HEATR5A: variants seen among roughly 807,000 people sequenced by gnomAD.
HEATR5A encodes HEAT repeat containing 5A.
A neutral mutation model predicts 218.8 loss-of-function variants in HEATR5A; 178 were observed. That is an observed-to-expected ratio of 0.81 (90% CI 0.72 to 0.92). The LOEUF (loss-of-function observed/expected upper bound fraction) is 0.92, where lower values mean the gene tolerates loss of function less well. HEATR5A is among the 40% of genes least tolerant of loss of function. The pLI is 0.00. For synonymous variants in HEATR5A, 864 were observed against 871.6 expected (o/e 0.99, Z 0.15); for missense variants, 2,420 against 2,418.9 (o/e 1.00, Z -0.01).
rs759108171 is a variant in HEATR5A, at chr14:31,358,923, C to A, written c.2206G>T (p.Glu736Ter). 2.5e-6 allele frequency: 4 copies of A among 1,594,836 alleles called. No individual in the cohort carries two copies. The change falls in exon 15 of 36, where the codon GAG (glutamate) becomes TAG (stop). Residue 736 changes from glutamate (E) to a stop codon, truncating the protein, a stop_gained. Coordinates refer to ENST00000543095, the MANE Select transcript of HEATR5A (RefSeq NM_015473.4). LOFTEE classifies it high-confidence loss of function. The stretch of plus-strand genomic sequence containing the variant: ...TCTTCAATAAATCTATGGTCAGTCT[C>A]TTGTAGGAAAGGACTTAGTATCAAA... ...DLLILSPFLQ[E>*]TDHRFIEEQL... is the part of the protein sequence containing the mutation.
At chr14:31,307,081 T>G (rs1294150567) in intron 30 of HEATR5A, among the ~76,000 whole-genome samples, 2 of 152,094 alleles carry the variant, frequency 1.3e-5, no homozygotes, top group African/African-American at 4.8e-5. Context: ...TCCCAGCACT[T>G]TGGGAGGCTG....
chr14:31,411,127 C>T (rs2031256418), intron 1 of HEATR5A, among the ~76,000 whole-genome samples: 1 of 151,986 alleles, frequency 6.6e-6, no homozygotes, highest in Non-Finnish European at 1.5e-5. Context: ...AGTGGCAGTA[C>T]AAATGGTTCA....
At position 31,316,021 on chromosome 14, in the gene HEATR5A, T is replaced by C. The variant is rs141547636; in HGVS notation, c.4039-72A>G. 81 of 1,233,388 alleles carry C rather than the reference T, an allele frequency of 6.6e-5. No homozygotes were observed. In the East Asian group the frequency reaches 2.0e-3, roughly 31 times the overall value. 76.4% of individuals were successfully genotyped at this position (1,233,388 alleles called of 1,614,324 possible). A position where few individuals can be genotyped will look rare whatever the true frequency, so the allele number is the denominator to read the frequency against. Reference sequence around the variant, plus strand: ...TCCCTTGGCTGGGTGTGGTGGCTCATGCCTGTAATCCCAGCACTTTGGGAG... The same window carrying C: ...TCCCTTGGCTGGGTGTGGTGGCTCACGCCTGTAATCCCAGCACTTTGGGAG... On this transcript the variant is annotated intron_variant, in intron 26 of 35. Coordinates refer to ENST00000543095, the MANE Select transcript of HEATR5A (RefSeq NM_015473.4).
intron 21 of HEATR5A, among the ~76,000 whole-genome samples, chr14:31,343,392 C>T (rs1292420700): frequency 6.6e-6 from 1 of 152,156 alleles, no homozygotes; most frequent in Non-Finnish European, 1.5e-5. Flanking sequence ...AAACCAATGA[C>T]AATGAACCAC....
intron 14 of HEATR5A, among the ~76,000 whole-genome samples, chr14:31,362,307 A>C (rs570903939): frequency 4.6e-5 from 7 of 151,996 alleles, no homozygotes; most frequent in African/African-American, 1.7e-4. Flanking sequence ...GTAAGTCCTG[A>C]CTTTGTCTCC....
chr14:31,394,182 C>T lies in HEATR5A; in HGVS notation c.642G>A (p.Thr214=), dbSNP rs891047026. Residue 214 remains threonine, a synonymous_variant, in exon 6 of 36, where the codon ACG becomes ACA. Coordinates refer to ENST00000543095, the MANE Select transcript of HEATR5A (RefSeq NM_015473.4). Reference sequence around the variant, plus strand: ...ACAGTGTGGCCACACTGTCCAGGTCCGTACTCCACATAAAGATGGCTTCAT... The same window carrying T: ...ACAGTGTGGCCACACTGTCCAGGTCTGTACTCCACATAAAGATGGCTTCAT... ...LQNEAIFMWS[T]DLDSVATLCF... The T allele has an allele frequency of 1.1e-5, 17 of 1,517,040 alleles. No homozygotes were observed. The highest frequency in any genetic ancestry group is 7.5e-5 in the South Asian group (6 of 80,142). 94.0% of individuals were successfully genotyped at this position (1,517,040 alleles called of 1,614,324 possible).
At chr14:31,365,379 G>A (rs1056214421) in intron 13 of HEATR5A, among the ~76,000 whole-genome samples, 2 of 151,858 alleles carry the variant, frequency 1.3e-5, no homozygotes, top group Admixed American at 6.6e-5. Context: ...TTTGCTTTCC[G>A]AGATGGAGTC....
At chr14:31,341,328 TC>T (rs1252181474) in intron 21 of HEATR5A, among the ~76,000 whole-genome samples, 1 of 152,156 alleles carries the variant, frequency 6.6e-6, no homozygotes, top group African/African-American at 2.4e-5. Context: ...TATTTTTTTT[TC>T]CTGCAGTAAA....
chr14:31,400,350 C>T lies in HEATR5A; in HGVS notation c.289G>A (p.Asp97Asn). 6.5e-7 allele frequency: 1 copy of T among 1,535,704 alleles called. No homozygotes were observed. Among genetic ancestry groups the T allele is most frequent in the Non-Finnish European group, 8.7e-7 (1 of 1,146,646 alleles). ...GAATCATCTTTGCTACGAATAAGAT[C>T]ATTACATTTATCGATTGCTTCATGA... ...SVHEAIDKCN[D>N]LIRSKDDSPS... Residue 97 changes from aspartate (D) to asparagine (N), a missense_variant, in exon 3 of 36, where the codon GAT becomes AAT. Transcript: ENST00000543095.
At chr14:31,339,449 CAAAAAAAA>C (rs55998911) in intron 21 of HEATR5A, among the ~76,000 whole-genome samples, 4 of 67,468 alleles carry the variant, frequency 5.9e-5, no homozygotes, top group African/African-American at 5.8e-5. Flanking sequence ...AACTGTGTCT[CAAAAAAAA>C]AAAAAAAAAA....
At chr14:31,347,160 C>CT (rs1901049616) in intron 19 of HEATR5A, among the ~76,000 whole-genome samples, 1 of 152,132 alleles carries the variant, frequency 6.6e-6, no homozygotes, top group East Asian at 1.9e-4. Flanking sequence ...ATCGTAACAC[C>CT]TGGTACCTAT....
At chr14:31,361,659 A>G (rs74043937) in intron 14 of HEATR5A, among the ~76,000 whole-genome samples, 5,527 of 152,298 alleles carry the variant, frequency 0.036, 279 homozygotes, top group African/African-American at 0.11. Context: ...AAAATGCATC[A>G]CTAACTTGCT....
chr14:31,312,753 C>T (rs958906029), intron 28 of HEATR5A, among the ~76,000 whole-genome samples: 2 of 152,032 alleles, frequency 1.3e-5, no homozygotes, highest in African/African-American at 2.4e-5. Context: ...CAAAAATTAG[C>T]TAGGCGTGGT....
chr14:31,383,551 A>C lies in HEATR5A; in HGVS notation c.1566T>G (p.Cys522Trp). 1 of 1,613,790 alleles carries C rather than the reference A, an allele frequency of 6.2e-7. No individual in the cohort carries two copies. ...CTTTTCCATGAGGAATTCCTAAAGG[A>C]CAATGTTTTACTGCTCCCAACAAAG... Reference protein sequence around the residue: ...VAALLGAVKHCPLGIPHGKGK... With the variant: ...VAALLGAVKHWPLGIPHGKGK... The change falls in exon 10 of 36, where the codon TGT (cysteine) becomes TGG (tryptophan). Residue 522 changes from cysteine to tryptophan, a missense_variant. Physicochemically the swap from Cys to Trp is radical, Grantham distance 215. Transcript: ENST00000543095.
At chr14:31,346,344 G>A (rs1044652880) in intron 19 of HEATR5A, among the ~76,000 whole-genome samples, 3 of 152,096 alleles carry the variant, frequency 2.0e-5, no homozygotes, top group Non-Finnish European at 4.4e-5. Flanking sequence ...ATATAAAGAC[G>A]GGTGAAAAAT....
chr14:31,329,758 T>C (rs1333121242), intron 22 of HEATR5A, among the ~76,000 whole-genome samples: 1 of 152,158 alleles, frequency 6.6e-6, no homozygotes, highest in Non-Finnish European at 1.5e-5. Flanking sequence ...TGTCATCCAG[T>C]CTAGAGTGCA....
At chr14:31,300,604 T>A (rs1225142412) in intron 33 of HEATR5A, among the ~76,000 whole-genome samples, 2 of 152,142 alleles carry the variant, frequency 1.3e-5, no homozygotes, top group Non-Finnish European at 2.9e-5. Context: ...TTACCTGAGA[T>A]CAAATCCTTC....
intron 10 of HEATR5A, 33 bp from the exon 11 acceptor site, chr14:31,380,611 CAT>C (rs1566775513): frequency 3.7e-6 from 5 of 1,367,144 alleles, no homozygotes; most frequent in Non-Finnish European, 4.1e-6. Context: ...TTAAAAAAAG[CAT>C]ATCAGTTTAT....
At chr14:31,389,653 C>CT (rs2030369772) in intron 6 of HEATR5A, among the ~76,000 whole-genome samples, 1 of 151,752 alleles carries the variant, frequency 6.6e-6, no homozygotes, top group Non-Finnish European at 1.5e-5. Context: ...TATTATCTCC[C>CT]CAAAAAAAAG....
Sources: allele counts gnomAD v4.1 joint callset (sites outside exome capture counted in the v4.1 genomes callset), GRCh38; gene constraint gnomAD v4.1.1; transcripts MANE v1.5; gene names NCBI Gene and HGNC (gene_info 2026-07-23, HGNC 2026-07-21).